DLG2: variants seen among roughly 807,000 people sequenced by gnomAD.
The protein encoded by DLG2 is discs large MAGUK scaffold protein 2, also known as disks large homolog 2.
Under a neutral mutation model 132.5 loss-of-function variants are expected in DLG2, and 45 were observed. The ratio of observed to expected loss-of-function variants is 0.34; its 90% CI spans 0.27 to 0.44. The LOEUF is 0.44. Among genes scored for constraint, DLG2 ranks in the 20% least tolerant of loss-of-function variants. The pLI, the probability that DLG2 is intolerant of heterozygous loss-of-function variation, is 1.00. For missense variants in DLG2, 1,045 were observed against 1,196.9 expected (o/e 0.87, Z 1.87); for synonymous variants, 424 against 419.6 (o/e 1.01, Z -0.13).
chr11:84,947,458 C>A (rs61907758), intron 6 of DLG2, among the ~76,000 whole-genome samples: 9,996 of 152,216 alleles, frequency 0.066, 444 homozygotes, highest in Non-Finnish European at 0.093. Flanking sequence ...ATATTATCTG[C>A]AAACTAATCA....
intron 6 of DLG2, among the ~76,000 whole-genome samples, chr11:84,821,770 A>C (rs1316129756): frequency 1.3e-5 from 2 of 151,848 alleles, no homozygotes; most frequent in Non-Finnish European, 2.9e-5. Context: ...TGTATTACAA[A>C]GAGTTAGAAA....
chr11:84,303,546 C>G (rs1451607413), intron 7 of DLG2, among the ~76,000 whole-genome samples: 2 of 152,194 alleles, frequency 1.3e-5, no homozygotes, highest in Non-Finnish European at 2.9e-5. Flanking sequence ...TTACAGAGAA[C>G]AACTGACTCC....
chr11:84,172,867 T>G (rs143445304), intron 8 of DLG2, among the ~76,000 whole-genome samples: 2,411 of 152,184 alleles, frequency 0.016, 39 homozygotes, highest in Middle Eastern at 0.051. Context: ...TTTTAAAAAA[T>G]TATCTGCCTT....
At chr11:85,108,725 G>A (rs11829016) in intron 6 of DLG2, among the ~76,000 whole-genome samples, 2,123 of 152,088 alleles carry the variant, frequency 0.014, 50 homozygotes, top group African/African-American at 0.048. Context: ...AGCTCTAGGG[G>A]AGACTCAGTA....
chr11:84,403,591 A>G (rs2098838253), intron 7 of DLG2, among the ~76,000 whole-genome samples: 1 of 152,172 alleles, frequency 6.6e-6, no homozygotes, highest in Non-Finnish European at 1.5e-5. Flanking sequence ...CTCCCTAAAA[A>G]AAACAGCTAT....
chr11:85,032,700 C>T (rs1437924213), intron 6 of DLG2, among the ~76,000 whole-genome samples: 1 of 152,112 alleles, frequency 6.6e-6, no homozygotes, highest in East Asian at 1.9e-4. Context: ...CTAGTTTTTA[C>T]CACCTAATTG....
chr11:83,750,317 G>A (rs972916050), intron 18 of DLG2, among the ~76,000 whole-genome samples: 5 of 152,098 alleles, frequency 3.3e-5, no homozygotes, highest in African/African-American at 4.8e-5. Flanking sequence ...TAATACTATC[G>A]ACAAGTATGA....
Position 83,685,753 on chromosome 11 carries a change from A to G in DLG2, c.1826-52428T>C, listed in dbSNP as rs2079627546. 1.3e-5 allele frequency among the ~76,000 whole-genome samples: 2 copies of G among 152,042 alleles called. 1 individual carries two copies. Among genetic ancestry groups the G allele is most frequent in the Admixed American group, 1.3e-4 (2 of 15,244 alleles). ...AGACTCTTATATCCAGCTGCATACC[A>G]CATCTAAGCATCTCTACTTGATTGT... On this transcript the variant is annotated intron_variant, in intron 18 of 27. Transcript: ENST00000376104.
intron 6 of DLG2, among the ~76,000 whole-genome samples, chr11:85,027,980 A>G (rs1013359457): frequency 1.9e-4 from 29 of 152,160 alleles, no homozygotes; most frequent in Non-Finnish European, 5.9e-5. Flanking sequence ...GTCCACATCC[A>G]GGTAGAATGA....
intron 7 of DLG2, among the ~76,000 whole-genome samples, chr11:84,532,858 C>A (rs909190356): frequency 1.3e-5 from 2 of 152,050 alleles, no homozygotes; most frequent in Non-Finnish European, 2.9e-5. Flanking sequence ...AATGTAAGTA[C>A]CTTCAATGCA....
rs532359679 is a variant in DLG2 at position 84,861,847 on chromosome 11, T to C, written c.357+249814A>G. ...AAGACATTTATGAGAACAACAAACA[T>C]ATGAAGAAAAGCTCATCATCGAGTT... On this transcript the variant is annotated intron_variant, in intron 6 of 27. Transcript: ENST00000376104. Among the ~76,000 whole-genome samples, 119 of 151,902 alleles carry C rather than the reference T, an allele frequency of 7.8e-4. 1 individual carries two copies. Among genetic ancestry groups the C allele is most frequent in the African/African-American group, 2.8e-3 (116 of 41,438 alleles).
chr11:83,550,105 T>C (rs1345432176), intron 19 of DLG2, among the ~76,000 whole-genome samples: 3 of 152,216 alleles, frequency 2.0e-5, no homozygotes, highest in African/African-American at 4.8e-5. Flanking sequence ...ACTCTTCGTA[T>C]TACAACAGAC....
At chr11:84,389,678 T>G (rs148224823) in intron 7 of DLG2, among the ~76,000 whole-genome samples, 9 of 152,268 alleles carry the variant, frequency 5.9e-5, no homozygotes, top group Non-Finnish European at 1.3e-4. Context: ...TTAAATCAAT[T>G]AAATCAATGT....
At chr11:84,883,183 A>G (rs2154055844) in intron 6 of DLG2, among the ~76,000 whole-genome samples, 1 of 152,256 alleles carries the variant, frequency 6.6e-6, no homozygotes, top group East Asian at 1.9e-4. Context: ...GCTGGAAACC[A>G]TCATTCTCAG....
At chr11:85,379,997 A>C (rs1042438100) in intron 3 of DLG2, among the ~76,000 whole-genome samples, 1 of 152,210 alleles carries the variant, frequency 6.6e-6, no homozygotes, top group Non-Finnish European at 1.5e-5. Flanking sequence ...ATCATTTCCT[A>C]TTACTATCTG....
At chr11:84,598,237 C>T (rs2099568230) in intron 6 of DLG2, among the ~76,000 whole-genome samples, 1 of 152,204 alleles carries the variant, frequency 6.6e-6, no homozygotes, top group African/African-American at 2.4e-5. Flanking sequence ...AAACCACCAA[C>T]TAGTACTTGC....
At chr11:84,308,748 A>G (rs918498775) in intron 7 of DLG2, among the ~76,000 whole-genome samples, 1 of 152,042 alleles carries the variant, frequency 6.6e-6, no homozygotes, top group Admixed American at 6.5e-5. Flanking sequence ...CTGCTGGGGG[A>G]CCCAGTACAC....
At chr11:84,128,783 C>T (rs2094292554) in intron 9 of DLG2, among the ~76,000 whole-genome samples, 1 of 151,610 alleles carries the variant, frequency 6.6e-6, no homozygotes, top group Non-Finnish European at 1.5e-5. Flanking sequence ...CTGGGTAAAC[C>T]AAAAAATCAC....
intron 9 of DLG2, among the ~76,000 whole-genome samples, chr11:84,147,366 G>A (rs138363391): frequency 1.4e-3 from 214 of 152,198 alleles, no homozygotes; most frequent in African/African-American, 4.9e-3. Context: ...AAAAGGAGGA[G>A]GATGCTTTTT....
Sources: allele counts gnomAD v4.1 joint callset (sites outside exome capture counted in the v4.1 genomes callset), GRCh38; gene constraint gnomAD v4.1.1; transcripts MANE v1.5; gene names NCBI Gene and HGNC (gene_info 2026-07-23, HGNC 2026-07-21).